The following CHIC1 variants were observed in gnomAD, a reference collection of about 807,000 sequenced individuals.
CHIC1 encodes cysteine-rich hydrophobic domain-containing protein 1.
A neutral mutation model predicts 18.5 loss-of-function variants in CHIC1; 7 were observed. That is an observed-to-expected ratio of 0.38 (90% CI 0.22 to 0.71). The LOEUF is 0.71. Among genes scored for constraint, CHIC1 ranks in the 30% least tolerant of loss-of-function variants. CHIC1 has a pLI of 0.49. For synonymous variants in CHIC1, 77 were observed against 73.5 expected, an observed-to-expected ratio of 1.05 and a Z score of -0.25; for missense variants, 159 against 176.9, an observed-to-expected ratio of 0.90 and a Z score of 0.57.
Position 73,563,253 on chromosome X carries a change from CG to C in CHIC1, c.-29del. 9.2e-7 allele frequency: 1 copy of C among 1,088,930 alleles called. No homozygotes were observed. The highest frequency in any genetic ancestry group is 1.2e-6 in the Non-Finnish European group (1 of 833,375). 89.7% of individuals were successfully genotyped at this position (1,088,930 alleles called of 1,213,427 possible). On this transcript the variant is annotated 5_prime_UTR_variant, in exon 1 of 6. Coordinates refer to ENST00000373502, the MANE Select transcript of CHIC1 (RefSeq NM_001039840.4). ...ACCTCGGCAGGTTCAAACTCTTCTC[CG>C]GGAGCGTGGCGGCGATCGCGAGGTC...
Position 73,584,422 on chromosome X carries a change from C to T in CHIC1, c.357C>T (p.Ala119=), listed in dbSNP as rs2057543100. 1 of 1,185,603 alleles carries T rather than the reference C, an allele frequency of 8.4e-7. No homozygotes were observed. Among genetic ancestry groups the T allele is most frequent in the Non-Finnish European group, 1.1e-6 (1 of 881,509 alleles). Residue 119 remains alanine (A), a synonymous_variant, in exon 3 of 6, where the codon GCC becomes GCT. Coordinates refer to ENST00000373502, the MANE Select transcript of CHIC1 (RefSeq NM_001039840.4). ...AAGATTGTACCCTCTTGTAGGTGGC[C>T]CCAGAAGAATTTAAAACCAGCATTG... is the stretch of plus-strand genomic sequence containing the variant. ...EFPSVLTGKV[A]PEEFKTSIGR... is the part of the protein sequence containing the mutation.
intron 3 of CHIC1, among the ~76,000 whole-genome samples, chrX:73,594,351 G>A (rs956774706): frequency 1.8e-5 from 2 of 110,509 alleles, no homozygotes; most frequent in African/African-American, 6.6e-5. Context: ...TTGTATTTGT[G>A]TAGAGATGGG....
chrX:73,646,443 A>G (rs747178597), intron 3 of CHIC1, among the ~76,000 whole-genome samples: 12 of 112,318 alleles, frequency 1.1e-4, no homozygotes, highest in Non-Finnish European at 2.3e-4. Flanking sequence ...GAAATATAAA[A>G]TTGGAATTTT....
intron 3 of CHIC1, among the ~76,000 whole-genome samples, chrX:73,667,766 G>A (rs772715986): frequency 1.8e-4 from 20 of 110,878 alleles, no homozygotes; most frequent in African/African-American, 6.6e-4. Flanking sequence ...CCTTGTATGT[G>A]ACTTGGCCTT....
At position 73,685,476 on chromosome X, in the gene CHIC1, A is replaced by G. The variant is rs1028573245; in HGVS notation, c.*4471A>G. The G allele has an allele frequency of 8.9e-6, 1 of 111,846 alleles. No individual in the cohort carries two copies. The highest frequency in any genetic ancestry group is 1.9e-5 in the Non-Finnish European group (1 of 53,084). The allele number at this position is 111,846 out of a possible 1,213,427, so 9.2% of individuals were successfully genotyped here. On this transcript the variant is annotated 3_prime_UTR_variant, in exon 6 of 6. Transcript: ENST00000373502. ...TTACTTTAGTGTCTAATCAAATTCC[A>G]TACCCTCAAAAAGATCTGTTGGAAC...
chrX:73,565,069 T>A (rs938144290), intron 1 of CHIC1, among the ~76,000 whole-genome samples: 3 of 111,270 alleles, frequency 2.7e-5, no homozygotes, highest in African/African-American at 9.8e-5. Context: ...TAGGAAATTT[T>A]AAGACAATTT....
intron 3 of CHIC1, among the ~76,000 whole-genome samples, chrX:73,678,378 G>T (rs1256404180): frequency 8.9e-6 from 1 of 112,343 alleles, no homozygotes; most frequent in East Asian, 2.8e-4. Context: ...GGCCATGCAG[G>T]TGTAAAAAGT....
In CHIC1 at chrX:73,679,401, A is replaced by C. The variant is rs202116402; in HGVS notation, c.564+19A>C. 2.0e-6 allele frequency: 2 copies of C among 1,021,293 alleles called. No homozygotes were observed. Among genetic ancestry groups the C allele is most frequent in the Non-Finnish European group, 2.7e-6 (2 of 734,078 alleles). The allele number at this position is 1,021,293 out of a possible 1,213,427, so 84.2% of individuals were successfully genotyped here. A position where few individuals can be genotyped will look rare whatever the true frequency, so the allele number is the denominator to read the frequency against. On this transcript the variant is annotated intron_variant, in intron 4 of 5. Coordinates refer to ENST00000373502, the MANE Select transcript of CHIC1 (RefSeq NM_001039840.4). ...TCACAAGGTAAGAAATTTTAAGCAC[A>C]TAAGTGCCCCATTCATATATTTGCA... is the stretch of plus-strand genomic sequence containing the variant.
At chrX:73,651,296 C>T (rs1333295146) in intron 3 of CHIC1, among the ~76,000 whole-genome samples, 3 of 111,276 alleles carry the variant, frequency 2.7e-5, no homozygotes, top group Non-Finnish European at 5.6e-5. Context: ...AAGCTGGAAA[C>T]ATTTCCTTTG....
At chrX:73,674,841 G>A (rs1184875984) in intron 3 of CHIC1, among the ~76,000 whole-genome samples, 1 of 109,772 alleles carries the variant, frequency 9.1e-6, no homozygotes. Context: ...TGTCAATTTT[G>A]GATCTTTCCT....
intron 3 of CHIC1, among the ~76,000 whole-genome samples, chrX:73,665,512 C>G (rs1168382366): frequency 2.7e-5 from 3 of 111,401 alleles, no homozygotes; most frequent in African/African-American, 9.8e-5. Context: ...TAGCTTTAAG[C>G]AGCTGTTTCA....
At chrX:73,629,969 C>A (rs1359375355) in intron 3 of CHIC1, among the ~76,000 whole-genome samples, 1 of 111,893 alleles carries the variant, frequency 8.9e-6, no homozygotes, top group African/African-American at 3.2e-5. Flanking sequence ...CAATTTCTTT[C>A]ATTAGTGTTT....
intron 3 of CHIC1, among the ~76,000 whole-genome samples, chrX:73,614,831 T>A (rs768680843): frequency 5.1e-4 from 57 of 111,193 alleles, no homozygotes; most frequent in Admixed American, 1.8e-3. Context: ...CGCTTTTTTT[T>A]ATATCACTGT....
intron 2 of CHIC1, among the ~76,000 whole-genome samples, chrX:73,578,030 C>T (rs1400442049): frequency 9.2e-6 from 1 of 109,287 alleles, no homozygotes; most frequent in Non-Finnish European, 1.9e-5. Flanking sequence ...AGACCTAATG[C>T]ACAGCCTGAT....
In CHIC1 at chrX:73,682,038, C is replaced by G. The variant is rs1227513565; in HGVS notation, c.*1033C>G. Reference sequence around the variant, plus strand: ...AGACATCTTCAGAAGGTATCTAGACCCTCTTGAAAGCCACTAACACCTTTC... The same window carrying G: ...AGACATCTTCAGAAGGTATCTAGACGCTCTTGAAAGCCACTAACACCTTTC... On this transcript the variant is annotated 3_prime_UTR_variant, in exon 6 of 6. Coordinates refer to ENST00000373502, the MANE Select transcript of CHIC1 (RefSeq NM_001039840.4). 9.0e-6 allele frequency: 1 copy of G among 110,515 alleles called. No homozygotes were observed. Among genetic ancestry groups the G allele is most frequent in the African/African-American group, 3.3e-5 (1 of 30,512 alleles). The allele number at this position is 110,515 out of a possible 1,213,427, so 9.1% of individuals were successfully genotyped here.
At chrX:73,659,090 G>A (rs185667792) in intron 3 of CHIC1, among the ~76,000 whole-genome samples, 1 of 111,866 alleles carries the variant, frequency 8.9e-6, no homozygotes, top group East Asian at 2.8e-4. Flanking sequence ...CAACGTACTT[G>A]TGGGTAATTA....
At chrX:73,572,746 T>A (rs745980586) in intron 1 of CHIC1, among the ~76,000 whole-genome samples, 1 of 111,698 alleles carries the variant, frequency 9.0e-6, no homozygotes, top group South Asian at 3.7e-4. Context: ...CACTTACATG[T>A]GTTTTTTTGA....
chrX:73,589,744 CT>C (rs1005957184), intron 3 of CHIC1, among the ~76,000 whole-genome samples: 3 of 111,218 alleles, frequency 2.7e-5, no homozygotes, highest in African/African-American at 9.8e-5. Context: ...TCATTTCAGC[CT>C]AAGGATCTCT....
chrX:73,616,520 C>T (rs951351457), intron 3 of CHIC1, among the ~76,000 whole-genome samples: 2 of 112,178 alleles, frequency 1.8e-5, no homozygotes, highest in African/African-American at 6.5e-5. Flanking sequence ...ATTTTCCTTA[C>T]ATTGCCCTAG....
Sources: gnomAD v4.1 joint callset for allele counts (sites outside exome capture counted in the v4.1 genomes callset) on GRCh38, gnomAD v4.1.1 for gene constraint, MANE v1.5 for transcripts, NCBI Gene and HGNC (gene_info 2026-07-23, HGNC 2026-07-21) for gene names.